The following IFFO1 variants were observed in gnomAD, a reference collection of about 807,000 sequenced individuals.
The protein encoded by IFFO1 is non-homologous end joining factor IFFO1.
A neutral mutation model predicts 59.6 loss-of-function variants in IFFO1; 42 were observed. That is an observed-to-expected ratio of 0.70 (90% CI 0.55 to 0.91). The LOEUF is 0.91. Ranked by LOEUF, IFFO1 falls within the 40% of genes least tolerant of loss-of-function variation. IFFO1 has a pLI of 0.00. For missense variants in IFFO1, 711 were observed against 793.2 expected (o/e 0.90, Z 1.24); for synonymous variants, 336 against 342.8 (o/e 0.98, Z 0.22).
chr12:6,550,034 C>T lies in IFFO1; in HGVS notation c.931-138G>A, dbSNP rs1438303782. 4.3e-6 allele frequency: 4 copies of T among 935,896 alleles called. 1 individual carries two copies. Among genetic ancestry groups the T allele is most frequent in the Admixed American group, 2.8e-5 (1 of 36,208 alleles). The allele number at this position is 935,896 out of a possible 1,614,324, so 58.0% of individuals were successfully genotyped here. A position where few individuals can be genotyped will look rare whatever the true frequency, so the allele number is the denominator to read the frequency against. On this transcript the variant is annotated intron_variant, in intron 3 of 9. Transcript: ENST00000619571. ...GTGGAGTCTCCCTGAGCTGACTGCA[C>T]CCCTCTTCCTGGGTAGCGGTGGCCT... is the stretch of plus-strand genomic sequence containing the variant.
At position 6,554,286 on chromosome 12, in the gene IFFO1, G is replaced by A. The variant is rs2136147724; in HGVS notation, c.773+971C>T. On this transcript the variant is annotated intron_variant, in intron 1 of 9. Transcript: ENST00000619571. ...AGGGGTCATAATAGCTGAGATGAGA[G>A]GGGAGGCCGCCAAACCAAAGCCTGT... 1.3e-5 allele frequency among the ~76,000 whole-genome samples: 2 copies of A among 152,252 alleles called. 1 individual carries two copies. The highest frequency in any genetic ancestry group is 6.8e-3 in the Middle Eastern group (2 of 294).
chr12:6,553,328 G>A (rs1303937118), intron 1 of IFFO1, among the ~76,000 whole-genome samples: 2 of 150,276 alleles, frequency 1.3e-5, no homozygotes, highest in East Asian at 3.8e-4. Flanking sequence ...CGCTCCTTCA[G>A]TTTAAAAAAA....
At position 6,555,633 on chromosome 12, in the gene IFFO1, G is replaced by C. The variant is rs755497203; in HGVS notation, c.397C>G (p.Pro133Ala). ...DQAVQTGFVS[P>A]IRPLGLQLGA... ...AGCTGCAGCCCCAGGGGCCGGATGG[G>C]GCTGACGAAGCCGGTCTGCACTGCC... Residue 133 changes from proline to alanine, a missense_variant, in exon 1 of 10, where the codon CCC becomes GCC. Pro to Ala is a conservative substitution (Grantham distance 27). Around this residue, in one of 3 missense-constraint regions of IFFO1, gnomAD observed 579 missense variants for 650.3 expected, o/e 0.89. Coordinates refer to ENST00000619571, the MANE Select transcript of IFFO1 (RefSeq NM_001193457.2). The surrounding 1 kb of genome is among the most constrained non-coding windows in gnomAD (Gnocchi z 8.6). 3 of 1,537,446 alleles carry C rather than the reference G, an allele frequency of 2.0e-6. No individual in the cohort carries two copies. In the South Asian group the frequency reaches 3.6e-5, roughly 18 times the overall value.
intron 3 of IFFO1, chr12:6,550,354 C>T (rs894305976): frequency 5.8e-5 from 25 of 429,306 alleles, no homozygotes; most frequent in Middle Eastern, 1.3e-3. Context: ...TCCTGCAGAG[C>T]GCACGCGTTT....
chr12:6,548,437 C>G lies in IFFO1; in HGVS notation c.1371G>C (p.Glu457Asp), dbSNP rs1253745247. ...DFSGYAMAAA[E>D]AQGEQQEDSL... ...GAGCAGAGGTTACCTCTCCCTGGGC[C>G]TCTGCAGCTGCCATGGCATAGCCTG... Residue 457 changes from glutamate (E) to aspartate (D), a missense_variant, in exon 7 of 10, where the codon GAG (glutamate) becomes GAC (aspartate). Transcript: ENST00000619571. The surrounding 1 kb of genome is among the most constrained non-coding windows in gnomAD (Gnocchi z 6.1). The G allele has an allele frequency of 5.6e-6, 9 of 1,612,196 alleles. No individual in the cohort carries two copies. The highest frequency in any genetic ancestry group is 7.6e-6 in the Non-Finnish European group (9 of 1,179,036).
rs781183172 is a variant in IFFO1 at position 6,550,710 on chromosome 12, C to T, written c.915G>A (p.Lys305=). 1.9e-6 allele frequency: 3 copies of T among 1,613,976 alleles called. No homozygotes were observed. The highest frequency in any genetic ancestry group is 2.5e-6 in the Non-Finnish European group (3 of 1,179,908). Residue 305 remains lysine, a synonymous_variant, in exon 3 of 10, where the codon AAG becomes AAA. Coordinates refer to ENST00000619571, the MANE Select transcript of IFFO1 (RefSeq NM_001193457.2). ...CTGCACTCACGTTACTCATGAGCCC[C>T]TTGAAGACCACCAGCTCAGCCTTCA... ...EQLKAELVVF[K]GLMSNNLSEL... is the part of the protein sequence containing the mutation.
At position 6,548,039 on chromosome 12, in the gene IFFO1, C is replaced by T; in HGVS notation, c.1479+26G>A. The T allele has an allele frequency of 1.3e-6, 2 of 1,571,716 alleles. No homozygotes were observed. Among genetic ancestry groups the T allele is most frequent in the Non-Finnish European group, 1.8e-6 (2 of 1,141,550 alleles). Reference sequence around the variant, plus strand: ...ACTCAAAACCCTCTGGGACACCACGCCCCTGGCTTCCGCTCCTGCCCTTAC... The same window carrying T: ...ACTCAAAACCCTCTGGGACACCACGTCCCTGGCTTCCGCTCCTGCCCTTAC... On this transcript the variant is annotated intron_variant, in intron 8 of 9. Transcript: ENST00000619571. This position sits in a 1 kb window ranked among gnomAD's most constrained non-coding sequence, Gnocchi z 6.1.
chr12:6,555,630 TG>T lies in IFFO1; in HGVS notation c.399del (p.Ile134SerfsTer115). 1 of 1,516,096 alleles carries T rather than the reference TG, an allele frequency of 6.6e-7. No individual in the cohort carries two copies. The highest frequency in any genetic ancestry group is 2.7e-5 in the East Asian group (1 of 37,470). The allele number at this position is 1,516,096 out of a possible 1,614,324, so 93.9% of individuals were successfully genotyped here. Reference protein sequence around the residue: ...DQAVQTGFVSPIRPLGLQLGA... With the variant: ...DQAVQTGFVSXIRPLGLQLGA... ...CCCAGCTGCAGCCCCAGGGGCCGGA[TG>T]GGGCTGACGAAGCCGGTCTGCACTG... On this transcript the variant is annotated frameshift_variant, in exon 1 of 10. Transcript: ENST00000619571. LOFTEE classifies it high-confidence loss of function. This position sits in a 1 kb window ranked among gnomAD's most constrained non-coding sequence, Gnocchi z 8.6.
intron 1 of IFFO1, among the ~76,000 whole-genome samples, chr12:6,553,509 A>C (rs1947322987): frequency 6.6e-6 from 1 of 152,100 alleles, no homozygotes; most frequent in Non-Finnish European, 1.5e-5. Context: ...CATAACATGG[A>C]CCACAACTAA....
chr12:6,546,493 T>G (rs998169071), intron 8 of IFFO1, among the ~76,000 whole-genome samples: 1 of 152,202 alleles, frequency 6.6e-6, no homozygotes, highest in Non-Finnish European at 1.5e-5. Flanking sequence ...TTCCTTTGTT[T>G]GTATTTTTGA....
chr12:6,551,982 T>G (rs1005273465), intron 1 of IFFO1: 1 of 164,074 alleles, frequency 6.1e-6, no homozygotes, highest in African/African-American at 2.4e-5. Context: ...CGCCCGGCAT[T>G]CCAGGGCCCT....
chr12:6,551,566 C>A (rs891760494), intron 1 of IFFO1: 1 of 964,992 alleles, frequency 1.0e-6, no homozygotes, highest in Non-Finnish European at 1.4e-6. Flanking sequence ...ACTCAAAGTC[C>A]TTCCCCACTA....
intron 1 of IFFO1, among the ~76,000 whole-genome samples, chr12:6,554,084 GA>G (rs60129433): frequency 0.033 from 4,755 of 143,134 alleles, 79 homozygotes; most frequent in Non-Finnish European, 0.045. Flanking sequence ...TCATTTATGG[GA>G]AAAAAAAAAA....
At chr12:6,545,447 G>A (rs1946909542) in intron 8 of IFFO1, among the ~76,000 whole-genome samples, 1 of 152,060 alleles carries the variant, frequency 6.6e-6, no homozygotes, top group Non-Finnish European at 1.5e-5. Context: ...TATAATCCCA[G>A]CACTTTGGGA....
chr12:6,540,360 C>G lies in IFFO1; in HGVS notation c.*123G>C, dbSNP rs1946643179. 7 of 806,976 alleles carry G rather than the reference C, an allele frequency of 8.7e-6. No individual in the cohort carries two copies. The highest frequency in any genetic ancestry group is 2.0e-5 in the Admixed American group (1 of 51,178). 50.0% of individuals were successfully genotyped at this position (806,976 alleles called of 1,614,324 possible). On this transcript the variant is annotated 3_prime_UTR_variant, in exon 10 of 10. Coordinates refer to ENST00000619571, the MANE Select transcript of IFFO1 (RefSeq NM_001193457.2). ...GGGAGAAAGCCTGAGGGAGGAGCGC[C>G]CCAGTCCCCAGGGACCGGCCTGGTG...
chr12:6,546,177 T>C (rs1479690639), intron 8 of IFFO1, among the ~76,000 whole-genome samples: 1 of 152,192 alleles, frequency 6.6e-6, no homozygotes, highest in East Asian at 1.9e-4. Flanking sequence ...GTGGGAGACA[T>C]GAACAGAAAC....
At position 6,541,518 on chromosome 12, in the gene IFFO1, C is replaced by T; in HGVS notation, c.1604G>A (p.Gly535Glu). 1 of 1,613,900 alleles carries T rather than the reference C, an allele frequency of 6.2e-7. No individual in the cohort carries two copies. Among genetic ancestry groups the T allele is most frequent in the African/African-American group, 1.3e-5 (1 of 75,082 alleles). The change falls in exon 9 of 10, where the codon GGA becomes GAA. Residue 535 changes from glycine (G) to glutamate (E), a missense_variant. Gly to Glu is a moderately conservative substitution (Grantham distance 98). Coordinates refer to ENST00000619571, the MANE Select transcript of IFFO1 (RefSeq NM_001193457.2). This position sits in a 1 kb window ranked among gnomAD's most constrained non-coding sequence, Gnocchi z 4.8. ...GCCCAGGGGAGGCGCCTACCGGTCT[C>T]CAGACTGGGTGATGAGCCGGCGGCA... Reference protein sequence around the residue: ...ETCRRLITQSGDRKSPAFTAV... With the variant: ...ETCRRLITQSEDRKSPAFTAV...
intron 8 of IFFO1, among the ~76,000 whole-genome samples, chr12:6,544,366 A>C (rs1946858306): frequency 6.6e-6 from 1 of 151,982 alleles, no homozygotes; most frequent in Admixed American, 6.6e-5. Context: ...GGGGTTTCAC[A>C]TGTTGGTGGC....
In IFFO1 at chr12:6,549,422, C is replaced by T. The variant is rs747457030; in HGVS notation, c.1080+54G>A. On this transcript the variant is annotated intron_variant, in intron 5 of 9. Transcript: ENST00000619571. This position sits in a 1 kb window ranked among gnomAD's most constrained non-coding sequence, Gnocchi z 5.0. ...CAAACTGAGGGCCAGGAGGCCTAGG[C>T]AGCTTAGAAACTGGGACTGGGACAT... 3.9e-5 allele frequency: 62 copies of T among 1,610,164 alleles called. No individual in the cohort carries two copies. The highest frequency in any genetic ancestry group is 1.6e-4 in the Middle Eastern group (1 of 6,072).
Sources: gnomAD v4.1 joint callset for allele counts (sites outside exome capture counted in the v4.1 genomes callset) on GRCh38, gnomAD v4.1.1 for gene constraint, gnomAD v4.1.1 regional missense constraint, Gnocchi (gnomAD v3.1) non-coding constraint, MANE v1.5 for transcripts, NCBI Gene and HGNC (gene_info 2026-07-23, HGNC 2026-07-21) for gene names.